KLK10: variants seen among roughly 807,000 people sequenced by gnomAD.
KLK10 encodes kallikrein related peptidase 10.
In KLK10, 27 loss-of-function variants were observed where a neutral mutation model predicts 25.7. The observed-to-expected ratio is 1.05, with a 90% CI of 0.77 to 1.45. The LOEUF (loss-of-function observed/expected upper bound fraction) is 1.45, where lower values mean the gene tolerates loss of function less well. Ranked by LOEUF, KLK10 falls within the 40% of genes most tolerant of loss-of-function variation. The pLI is 0.00. For missense variants in KLK10, 386 were observed against 370.0 expected (o/e 1.04, Z -0.35); for synonymous variants, 173 against 160.1 (o/e 1.08, Z -0.61).
At chr19:51,018,489 G>C (rs2091365629) in intron 2 of KLK10, 2 of 155,820 alleles carry the variant, frequency 1.3e-5, no homozygotes, top group African/African-American at 4.8e-5. Flanking sequence ...GGCCGAGGCA[G>C]GCGGATCACG....
At position 51,014,922 on chromosome 19, in the gene KLK10, C is replaced by T. The variant is rs768201692; in HGVS notation, c.709G>A (p.Glu237Lys). ...SDSGGPLVCD[E>K]TLQGILSWGV... ...CACGAGAGGATGCCTTGGAGGGTCT[C>T]GTCACAGACCAGGGGGCCTCCAGAG... Residue 237 changes from glutamate to lysine, a missense_variant, in exon 6 of 6, where the codon GAG becomes AAG. By Grantham distance (56) the Glu-to-Lys change is moderately conservative. Coordinates refer to ENST00000358789, the MANE Select transcript of KLK10 (RefSeq NM_145888.3). 20 of 1,613,714 alleles carry T rather than the reference C, an allele frequency of 1.2e-5. No individual in the cohort carries two copies. The highest frequency in any genetic ancestry group is 6.7e-5 in the East Asian group (3 of 44,884).
Position 51,017,298 on chromosome 19 carries a change from A to C in KLK10, c.89-8T>G, listed in dbSNP as rs1298953430. On this transcript the variant is annotated splice_polypyrimidine_tract_variant and splice_region_variant and intron_variant, in intron 2 of 5. Coordinates refer to ENST00000358789, the MANE Select transcript of KLK10 (RefSeq NM_145888.3). ...GCAGCGCCGCCTCTGCGGCTGGAGA[A>C]AGAAAGGGGACGGAATCAAAGCACG... is the stretch of plus-strand genomic sequence containing the variant. The C allele has an allele frequency of 1.3e-6, 2 of 1,596,616 alleles. No homozygotes were observed. The highest frequency in any genetic ancestry group is 1.7e-6 in the Non-Finnish European group (2 of 1,173,120).
Position 51,014,908 on chromosome 19 carries a change from G to A in KLK10, c.723C>T (p.Gly241=), listed in dbSNP as rs1340740921. ...AGGGGTAAACACCCCACGAGAGGATGCCTTGGAGGGTCTCGTCACAGACCA... is the reference window on the plus strand; with the variant it reads ...AGGGGTAAACACCCCACGAGAGGATACCTTGGAGGGTCTCGTCACAGACCA... ...GPLVCDETLQ[G]ILSWGVYPCG... The change falls in exon 6 of 6, where the codon GGC becomes GGT. Residue 241 remains glycine, a synonymous_variant. Coordinates refer to ENST00000358789, the MANE Select transcript of KLK10 (RefSeq NM_145888.3). 3 of 1,613,900 alleles carry A rather than the reference G, an allele frequency of 1.9e-6. No individual in the cohort carries two copies. In the African/African-American group the frequency reaches 4.0e-5, roughly 22 times the overall value.
intron 4 of KLK10, 33 bp downstream of exon 4, chr19:51,015,849 C>G: frequency 6.8e-7 from 1 of 1,481,094 alleles, no homozygotes; most frequent in Non-Finnish European, 8.9e-7. Flanking sequence ...CCCCCTCCTC[C>G]TGAGGTTCCG....
rs1484339132 is a variant in KLK10 at position 51,012,953 on chromosome 19, G to C, written c.*1847C>G. 1.3e-5 allele frequency: 2 copies of C among 152,170 alleles called. No individual in the cohort carries two copies. Among genetic ancestry groups the C allele is most frequent in the Non-Finnish European group, 2.9e-5 (2 of 68,030 alleles). The allele number at this position is 152,170 out of a possible 1,614,324, so 9.4% of individuals were successfully genotyped here. ...TAACTAGCAGCTCCTTGAGGGTAGT[G>C]CCTGGTCTGATTCATCTTTGAGGCC... On this transcript the variant is annotated 3_prime_UTR_variant, in exon 6 of 6. Transcript: ENST00000358789.
At position 51,014,602 on chromosome 19, in the gene KLK10, A is replaced by C. The variant is rs1042207016; in HGVS notation, c.*198T>G. On this transcript the variant is annotated 3_prime_UTR_variant, in exon 6 of 6. Coordinates refer to ENST00000358789, the MANE Select transcript of KLK10 (RefSeq NM_145888.3). ...ACTTCCTGCATTTCAGCTTCAGTACAGGCAGAGAATGGGGATAGGTGGGGG... is the reference window on the plus strand; with the variant it reads ...ACTTCCTGCATTTCAGCTTCAGTACCGGCAGAGAATGGGGATAGGTGGGGG... 1 of 502,124 alleles carries C rather than the reference A, an allele frequency of 2.0e-6. No individual in the cohort carries two copies. The highest frequency in any genetic ancestry group is 1.9e-5 in the African/African-American group (1 of 51,302). The allele number at this position is 502,124 out of a possible 1,614,324, so 31.1% of individuals were successfully genotyped here.
In KLK10 at chr19:51,014,368, A is replaced by C. The variant is rs959394433; in HGVS notation, c.*432T>G. The C allele has an allele frequency of 5.7e-6, 1 of 175,272 alleles. No homozygotes were observed. The highest frequency in any genetic ancestry group is 2.4e-5 in the African/African-American group (1 of 42,044). 10.9% of individuals were successfully genotyped at this position (175,272 alleles called of 1,614,324 possible). A position where few individuals can be genotyped will look rare whatever the true frequency, so the allele number is the denominator to read the frequency against. On this transcript the variant is annotated 3_prime_UTR_variant, in exon 6 of 6. Coordinates refer to ENST00000358789, the MANE Select transcript of KLK10 (RefSeq NM_145888.3). ...GATTTACATACACATGTTATATCAT[A>C]GTCTCCTCACAACATGTCTAAGAGG... is the stretch of plus-strand genomic sequence containing the variant.
chr19:51,017,228 G>T lies in KLK10; in HGVS notation c.151C>A (p.Pro51Thr). 1 of 1,612,648 alleles carries T rather than the reference G, an allele frequency of 6.2e-7. No homozygotes were observed. Among genetic ancestry groups the T allele is most frequent in the East Asian group, 2.2e-5 (1 of 44,844 alleles). The change falls in exon 3 of 6, where the codon CCG becomes ACG. Residue 51 changes from proline (P) to threonine (T), a missense_variant. Pro to Thr is a conservative substitution (Grantham distance 38, BLOSUM62 -1). Coordinates refer to ENST00000358789, the MANE Select transcript of KLK10 (RefSeq NM_145888.3). ...CAGGGCTGCGAGCCGCGCGCGCACG[G>T]GGAGCCATAGGCTTCGGGGTCCAAG... The part of the protein sequence containing the change: ...TRLDPEAYGS[P>T]CARGSQPWQV...
intron 2 of KLK10, 140 bp downstream of exon 2, chr19:51,018,903 C>T (rs936909492): frequency 3.0e-6 from 2 of 662,158 alleles, no homozygotes; most frequent in Non-Finnish European, 5.2e-6. Context: ...GACTTGGGGG[C>T]GGGCCGTGCT....
Position 51,014,658 on chromosome 19 carries a change from G to T in KLK10, c.*142C>A. On this transcript the variant is annotated 3_prime_UTR_variant, in exon 6 of 6. Coordinates refer to ENST00000358789, the MANE Select transcript of KLK10 (RefSeq NM_145888.3). ...GGTGAGAGGGGAGATGTTTAGAGGT[G>T]TGGAGGGCGGCAGAGGTTTGAACAG... 1.4e-6 allele frequency: 1 copy of T among 733,116 alleles called. No individual in the cohort carries two copies. Among genetic ancestry groups the T allele is most frequent in the Non-Finnish European group, 2.3e-6 (1 of 434,664 alleles). The allele number at this position is 733,116 out of a possible 1,614,324, so 45.4% of individuals were successfully genotyped here. A position where few individuals can be genotyped will look rare whatever the true frequency, so the allele number is the denominator to read the frequency against.
rs1293144593 is a variant in KLK10 at position 51,017,277 on chromosome 19, C to T, written c.102G>A (p.Ala34=). 2 of 1,604,590 alleles carry T rather than the reference C, an allele frequency of 1.2e-6. No homozygotes were observed. The highest frequency in any genetic ancestry group is 1.1e-5 in the South Asian group (1 of 90,548). ...AGCGCGTGTCGTTTTGGGGGAGCAG[C>T]GCCGCCTCTGCGGCTGGAGAAAGAA... is the stretch of plus-strand genomic sequence containing the variant. ...LMAQLWAAEA[A]LLPQNDTRLD... is the part of the protein sequence containing the mutation. Residue 34 remains alanine, a synonymous_variant, in exon 3 of 6, where the codon GCG becomes GCA. Transcript: ENST00000358789.
Position 51,019,507 on chromosome 19 carries a change from C to CT in KLK10, c.-10+119dup, listed in dbSNP as rs1030145533. On this transcript the variant is annotated intron_variant, in intron 1 of 5. Transcript: ENST00000358789. The surrounding 1 kb of genome is among the most constrained non-coding windows in gnomAD (Gnocchi z 4.2). ...CTTTCTCAACCTCACAGCGGGGGGA[C>CT]TTCCGCGTCCCGCAGGTGGAGAAAC... 1.9e-4 allele frequency: 33 copies of CT among 177,474 alleles called. No homozygotes were observed. The highest frequency in any genetic ancestry group is 1.6e-3 in the South Asian group (9 of 5,792). The allele number at this position is 177,474 out of a possible 1,614,324, so 11.0% of individuals were successfully genotyped here. A position where few individuals can be genotyped will look rare whatever the true frequency, so the allele number is the denominator to read the frequency against.
chr19:51,014,750 T>C lies in KLK10; in HGVS notation c.*50A>G, dbSNP rs2091299774. The C allele has an allele frequency of 6.3e-7, 1 of 1,591,458 alleles. No individual in the cohort carries two copies. The highest frequency in any genetic ancestry group is 8.6e-7 in the Non-Finnish European group (1 of 1,164,282). On this transcript the variant is annotated 3_prime_UTR_variant, in exon 6 of 6. Transcript: ENST00000358789. ...ATGGACGATGGAGCCTCTGGGCATCTGGATCAGCAGGAGCATAACATCTGG... is the reference window on the plus strand; with the variant it reads ...ATGGACGATGGAGCCTCTGGGCATCCGGATCAGCAGGAGCATAACATCTGG...
At chr19:51,015,757 G>A in intron 4 of KLK10, 125 bp downstream of exon 4, 2 of 1,158,594 alleles carry the variant, frequency 1.7e-6, no homozygotes, top group Non-Finnish European at 2.4e-6. Flanking sequence ...CAGGCATCTA[G>A]GACCCCAGCC....
At position 51,015,005 on chromosome 19, in the gene KLK10, C is replaced by T. The variant is rs1012313567; in HGVS notation, c.679-53G>A. 3 of 1,550,134 alleles carry T rather than the reference C, an allele frequency of 1.9e-6. No homozygotes were observed. In the African/African-American group the frequency reaches 4.1e-5, roughly 21 times the overall value. The stretch of plus-strand genomic sequence containing the variant: ...ATAAATGTGCCAACGTGAGAGCTGT[C>T]ACTTTGGGATCTGGGGCAGTGGTGG... On this transcript the variant is annotated intron_variant, in intron 5 of 5. Coordinates refer to ENST00000358789, the MANE Select transcript of KLK10 (RefSeq NM_145888.3).
rs2091288829 is a variant in KLK10, at chr19:51,013,637, C to T, written c.*1163G>A. The T allele has an allele frequency of 1.3e-5, 2 of 153,616 alleles. No homozygotes were observed. Among genetic ancestry groups the T allele is most frequent in the African/African-American group, 4.8e-5 (2 of 41,402 alleles). The allele number at this position is 153,616 out of a possible 1,614,324, so 9.5% of individuals were successfully genotyped here. On this transcript the variant is annotated 3_prime_UTR_variant, in exon 6 of 6. Coordinates refer to ENST00000358789, the MANE Select transcript of KLK10 (RefSeq NM_145888.3). ...ATGGGATTTCACCATTTTGGCCAGACTGGTCTCGAACACCTGACCTCAGAT... is the reference window on the plus strand; with the variant it reads ...ATGGGATTTCACCATTTTGGCCAGATTGGTCTCGAACACCTGACCTCAGAT...
At chr19:51,017,549 C>T (rs868224849) in intron 2 of KLK10, among the ~76,000 whole-genome samples, 3 of 151,708 alleles carry the variant, frequency 2.0e-5, no homozygotes, top group Non-Finnish European at 2.9e-5. Context: ...AGGGACTGAA[C>T]GCAGCGCGCC....
intron 5 of KLK10, 132 bp downstream of exon 5, chr19:51,015,285 G>A: frequency 9.9e-7 from 1 of 1,012,270 alleles, no homozygotes; most frequent in African/African-American, 1.6e-5. Context: ...AGGGGGTTAG[G>A]TCTGGGTAAG....
chr19:51,018,690 C>G (rs946103220), intron 2 of KLK10: 1 of 271,754 alleles, frequency 3.7e-6, no homozygotes, highest in Non-Finnish European at 7.2e-6. Context: ...GGCGACAGAG[C>G]GAGACTCCGT....
Sources: allele counts gnomAD v4.1 joint callset (sites outside exome capture counted in the v4.1 genomes callset), GRCh38; gene constraint gnomAD v4.1.1; non-coding constraint Gnocchi (gnomAD v3.1); transcripts MANE v1.5; gene names NCBI Gene and HGNC (gene_info 2026-07-23, HGNC 2026-07-21).